FBXO42: variants seen among roughly 807,000 people sequenced by gnomAD.
FBXO42 encodes the protein F-box only protein 42.
FBXO42 carries 12 observed loss-of-function variants against 71.7 expected under a neutral mutation model. That is an observed-to-expected ratio of 0.17 (90% CI 0.11 to 0.27). FBXO42 has a LOEUF of 0.27. FBXO42 is among the 10% of genes least tolerant of loss of function. The pLI is 1.00. For missense variants in FBXO42, 707 were observed against 911.9 expected (o/e 0.78, Z 2.89); for synonymous variants, 325 against 327.5 (o/e 0.99, Z 0.08).
chr1:16,258,914 T>C (rs1283333706), intron 4 of FBXO42, among the ~76,000 whole-genome samples: 1 of 152,042 alleles, frequency 6.6e-6, no homozygotes, highest in Admixed American at 6.5e-5. Context: ...ATTTTTAAAA[T>C]TTTTTTGTTG....
At chr1:16,267,015 CT>C (rs2081783748) in intron 4 of FBXO42, among the ~76,000 whole-genome samples, 1 of 152,066 alleles carries the variant, frequency 6.6e-6, no homozygotes, top group Non-Finnish European at 1.5e-5. Context: ...TTTCATGGTT[CT>C]GTGGTGTGAG....
At chr1:16,282,684 T>A (rs769695192) in intron 4 of FBXO42, among the ~76,000 whole-genome samples, 17 of 151,010 alleles carry the variant, frequency 1.1e-4, no homozygotes, top group Non-Finnish European at 1.8e-4. Context: ...ATTTCCATTT[T>A]TAAAAATGCT....
At chr1:16,324,906 T>C (rs532502274) in intron 1 of FBXO42, among the ~76,000 whole-genome samples, 2 of 152,086 alleles carry the variant, frequency 1.3e-5, no homozygotes. Context: ...CATTGTCAAA[T>C]TATTGTAACT....
chr1:16,270,590 G>A (rs1191158659), intron 4 of FBXO42, among the ~76,000 whole-genome samples: 1 of 139,708 alleles, frequency 7.2e-6, no homozygotes, highest in Non-Finnish European at 1.5e-5. Flanking sequence ...TGTAATCCCA[G>A]CACTTTGTGA....
chr1:16,259,776 AAAAAG>A, intron 4 of FBXO42, among the ~76,000 whole-genome samples: 1 of 151,788 alleles, frequency 6.6e-6, no homozygotes, highest in Admixed American at 6.6e-5. Flanking sequence ...AAAAAAAAAA[AAAAAG>A]AAAGAAAGAA....
chr1:16,255,932 T>C, intron 5 of FBXO42, 111 bp from the exon 6 acceptor site: 2 of 746,640 alleles, frequency 2.7e-6, no homozygotes, highest in Non-Finnish European at 4.3e-6. Flanking sequence ...CAGCAGAGAT[T>C]TGTTGGGATA....
intron 4 of FBXO42, among the ~76,000 whole-genome samples, chr1:16,257,358 A>C (rs2081657545): frequency 6.6e-6 from 1 of 152,226 alleles, no homozygotes; most frequent in Non-Finnish European, 1.5e-5. Flanking sequence ...TCACATAACC[A>C]GATAGCCTCA....
chr1:16,274,925 A>T (rs2047368), intron 4 of FBXO42, among the ~76,000 whole-genome samples: 41,436 of 151,900 alleles, frequency 0.27, 6,546 homozygotes, highest in Non-Finnish European at 0.37. Flanking sequence ...TATTGTTTTT[A>T]AAAAAAGAAT....
chr1:16,307,897 A>T (rs1308553000), intron 2 of FBXO42, among the ~76,000 whole-genome samples: 1 of 152,202 alleles, frequency 6.6e-6, no homozygotes, highest in Non-Finnish European at 1.5e-5. Flanking sequence ...ATCCTAGTCA[A>T]AACCCCAGCA....
At chr1:16,323,743 T>TTG (rs1375594674) in intron 1 of FBXO42, among the ~76,000 whole-genome samples, 2 of 133,796 alleles carry the variant, frequency 1.5e-5, no homozygotes, top group East Asian at 4.3e-4. Context: ...TGAGCCGAGA[T>TTG]CGTACCACTG....
At chr1:16,296,222 C>T (rs1001429906) in intron 3 of FBXO42, among the ~76,000 whole-genome samples, 1 of 152,128 alleles carries the variant, frequency 6.6e-6, no homozygotes, top group Non-Finnish European at 1.5e-5. Flanking sequence ...GCAAAGCTTT[C>T]CTTGCCATCC....
chr1:16,345,578 G>A (rs950318354), intron 1 of FBXO42, among the ~76,000 whole-genome samples: 3 of 151,900 alleles, frequency 2.0e-5, no homozygotes, highest in East Asian at 1.9e-4. Context: ...CGCCAGGCGC[G>A]GTGGCTCACG....
chr1:16,268,679 A>C (rs2081803789), intron 4 of FBXO42, among the ~76,000 whole-genome samples: 2 of 152,102 alleles, frequency 1.3e-5, no homozygotes, highest in South Asian at 4.1e-4. Flanking sequence ...ATAAGAACAA[A>C]GAGGCCGGGC....
rs746952518 is a variant in FBXO42, at chr1:16,256,743, G to A, written c.519C>T (p.Pro173=). ...ACACGACCAGAGTTGCTCCAGCTTTGGGGGAAGGATAGGACCCTAGGGAAA... is the reference window on the plus strand; with the variant it reads ...ACACGACCAGAGTTGCTCCAGCTTTAGGGGAAGGATAGGACCCTAGGGAAA... The part of the protein sequence containing the change: ...RPLASGSYPS[P]KAGATLVVYK... Residue 173 remains proline (P), a synonymous_variant, in exon 5 of 10, where the codon CCC becomes CCT. Transcript: ENST00000375592. 2.5e-6 allele frequency: 4 copies of A among 1,614,138 alleles called. No individual in the cohort carries two copies. Among genetic ancestry groups the A allele is most frequent in the Non-Finnish European group, 3.4e-6 (4 of 1,180,010 alleles).
chr1:16,347,979 C>T (rs1052928798), intron 1 of FBXO42, among the ~76,000 whole-genome samples: 2 of 142,254 alleles, frequency 1.4e-5, no homozygotes, highest in African/African-American at 2.6e-5. Context: ...GCGACAGACC[C>T]GAGACTCCGT....
At position 16,288,679 on chromosome 1, in the gene FBXO42, C is replaced by T. The variant is rs189656764; in HGVS notation, c.502+6104G>A. On this transcript the variant is annotated intron_variant, in intron 4 of 9. Transcript: ENST00000375592. ...ATCTAATTCATTAAGAAGTCTTGGCCGGGCGCAGTGGCTCATGCCTGTAAT... is the reference window on the plus strand; with the variant it reads ...ATCTAATTCATTAAGAAGTCTTGGCTGGGCGCAGTGGCTCATGCCTGTAAT... 2.0e-4 allele frequency among the ~76,000 whole-genome samples: 31 copies of T among 152,082 alleles called. No individual in the cohort carries two copies. The East Asian group carries it at 5.6e-3, about 28-fold the overall frequency.
intron 3 of FBXO42, among the ~76,000 whole-genome samples, chr1:16,302,884 C>G (rs1177893923): frequency 6.6e-6 from 1 of 152,120 alleles, no homozygotes; most frequent in East Asian, 1.9e-4. Context: ...GAGGAAACCG[C>G]CCCCATGATC....
At chr1:16,260,670 C>G (rs2081701828) in intron 4 of FBXO42, among the ~76,000 whole-genome samples, 1 of 152,100 alleles carries the variant, frequency 6.6e-6, no homozygotes, top group Non-Finnish European at 1.5e-5. Flanking sequence ...AGCCAGGATT[C>G]TAATCCATTT....
At chr1:16,280,165 T>G (rs971755629) in intron 4 of FBXO42, among the ~76,000 whole-genome samples, 11 of 152,126 alleles carry the variant, frequency 7.2e-5, no homozygotes, top group African/African-American at 2.4e-4. Context: ...GTACTCTTGA[T>G]CTGATGTGAT....
Sources: allele counts gnomAD v4.1 joint callset (sites outside exome capture counted in the v4.1 genomes callset), GRCh38; gene constraint gnomAD v4.1.1; transcripts MANE v1.5; gene names NCBI Gene and HGNC (gene_info 2026-07-23, HGNC 2026-07-21).